Variants in PHACTR3 observed in about 807,000 individuals in gnomAD.
The protein encoded by PHACTR3 is protein phosphatase 1, regulatory subunit 123.
PHACTR3 carries 16 observed loss-of-function variants against 66.8 expected under a neutral mutation model. That is an observed-to-expected ratio of 0.24 (90% CI 0.16 to 0.36). The LOEUF is 0.36. Ranked by LOEUF, PHACTR3 falls within the 10% of genes least tolerant of loss-of-function variation. The pLI, the probability that PHACTR3 is intolerant of heterozygous loss-of-function variation, is 1.00. For missense variants in PHACTR3, 647 were observed against 719.9 expected (o/e 0.90, Z 1.16); for synonymous variants, 323 against 292.1 (o/e 1.11, Z -1.08).
At chr20:59,672,409 T>C (rs773812818) in intron 1 of PHACTR3, among the ~76,000 whole-genome samples, 19 of 152,166 alleles carry the variant, frequency 1.2e-4, no homozygotes, top group Non-Finnish European at 2.5e-4. Context: ...GGAAACGCCA[T>C]GGCCTGCATG....
chr20:59,819,198 A>G (rs1230897608), intron 8 of PHACTR3, among the ~76,000 whole-genome samples: 1 of 152,136 alleles, frequency 6.6e-6, no homozygotes, highest in Non-Finnish European at 1.5e-5. Context: ...TGAGTCCAGG[A>G]TCACTTGCTG....
intron 1 of PHACTR3, among the ~76,000 whole-genome samples, chr20:59,614,647 A>G (rs982417645): frequency 6.6e-6 from 1 of 152,098 alleles, no homozygotes; most frequent in South Asian, 2.1e-4. Flanking sequence ...TTGTAATACA[A>G]CCCTTTTAAA....
intron 7 of PHACTR3, among the ~76,000 whole-genome samples, chr20:59,786,552 G>A (rs866515177): frequency 1.2e-4 from 18 of 152,330 alleles, no homozygotes; most frequent in African/African-American, 4.1e-4. Context: ...GGTCAGGGTG[G>A]CCATTGTGCG....
intron 1 of PHACTR3, among the ~76,000 whole-genome samples, chr20:59,578,263 C>G (rs919168801): frequency 6.6e-6 from 1 of 152,242 alleles, no homozygotes; most frequent in Non-Finnish European, 1.5e-5. Context: ...GGAGTGGCCT[C>G]AGGCCTCCTG....
At chr20:59,727,026 C>G (rs535442046) in intron 1 of PHACTR3, among the ~76,000 whole-genome samples, 413 of 152,284 alleles carry the variant, frequency 2.7e-3, no homozygotes, top group African/African-American at 9.2e-3. Context: ...AAAACCATCA[C>G]TGCTGTCTAA....
chr20:59,711,858 T>A (rs1440465304), intron 1 of PHACTR3, among the ~76,000 whole-genome samples: 1 of 152,200 alleles, frequency 6.6e-6, no homozygotes, highest in Non-Finnish European at 1.5e-5. Context: ...TTTTTTAAGT[T>A]GTTTACTGCT....
intron 1 of PHACTR3, among the ~76,000 whole-genome samples, chr20:59,622,936 C>T (rs1002436951): frequency 4.1e-5 from 5 of 122,418 alleles, no homozygotes; most frequent in African/African-American, 1.6e-4. Flanking sequence ...AAATGTATTT[C>T]AAGGAGGGCT....
Position 59,679,841 on chromosome 20 carries a change from GC to G in PHACTR3, c.119-63261del, listed in dbSNP as rs1160448494. On this transcript the variant is annotated intron_variant, in intron 1 of 12. Coordinates refer to ENST00000371015, the MANE Select transcript of PHACTR3 (RefSeq NM_080672.5). ...CCACAAGAACAGTATGGGGGAGACT[GC>G]CCCCATGATTCAGTTACCTCCTGCT... is the stretch of plus-strand genomic sequence containing the variant. Among the ~76,000 whole-genome samples the G allele has an allele frequency of 2.0e-5, 3 of 152,096 alleles. No homozygotes were observed. In the East Asian group the frequency reaches 5.8e-4, roughly 29 times the overall value.
At chr20:59,780,635 A>G (rs2146920862) in intron 7 of PHACTR3, among the ~76,000 whole-genome samples, 1 of 152,196 alleles carries the variant, frequency 6.6e-6, no homozygotes, top group South Asian at 2.1e-4. Flanking sequence ...ATTTTGGGGG[A>G]CACAAACATC....
chr20:59,620,101 G>T (rs1240409914), intron 1 of PHACTR3, among the ~76,000 whole-genome samples: 6 of 152,102 alleles, frequency 3.9e-5, no homozygotes, highest in African/African-American at 1.2e-4. Context: ...GTTACTGGTG[G>T]CTTTACTAGT....
rs570295531 is a variant in PHACTR3 at position 59,661,165 on chromosome 20, C to T, written c.118+56033C>T. ...TAGGGGCATGATTAGCAGAAGGGCA[C>T]GCCCGGGTACCGTGACTTTGTTCTG... On this transcript the variant is annotated intron_variant, in intron 1 of 12. Coordinates refer to ENST00000371015, the MANE Select transcript of PHACTR3 (RefSeq NM_080672.5). Among the ~76,000 whole-genome samples, 10 of 152,288 alleles carry T rather than the reference C, an allele frequency of 6.6e-5. No homozygotes were observed. In the East Asian group the frequency reaches 1.9e-3, roughly 29 times the overall value.
chr20:59,670,083 T>A (rs945888764), intron 1 of PHACTR3, among the ~76,000 whole-genome samples: 1 of 152,214 alleles, frequency 6.6e-6, no homozygotes, highest in African/African-American at 2.4e-5. Context: ...CAGGTAAGAC[T>A]CTTGCCATCA....
Position 59,830,672 on chromosome 20 carries a change from GTAA to G in PHACTR3, c.1329-5831_1329-5829del, listed in dbSNP as rs2042340694. Among the ~76,000 whole-genome samples the G allele has an allele frequency of 6.6e-6, 1 of 152,186 alleles. No homozygotes were observed. The highest frequency in any genetic ancestry group is 6.5e-5 in the Admixed American group (1 of 15,280). On this transcript the variant is annotated intron_variant, in intron 8 of 12. Transcript: ENST00000371015. The surrounding 1 kb of genome is among the most constrained non-coding windows in gnomAD (Gnocchi z 5.8). ...GGTGAATAATATCAGTGCTATAGTA[GTAA>G]TGATGCCACCTATTTGTGTGTCAAC...
intron 1 of PHACTR3, among the ~76,000 whole-genome samples, chr20:59,595,716 T>A (rs1473042517): frequency 6.6e-6 from 1 of 152,188 alleles, no homozygotes; most frequent in Non-Finnish European, 1.5e-5. Flanking sequence ...CATTCATCCA[T>A]TTTTTTCTTT....
intron 1 of PHACTR3, among the ~76,000 whole-genome samples, chr20:59,627,892 A>G (rs2034516473): frequency 6.6e-6 from 1 of 152,030 alleles, no homozygotes; most frequent in Non-Finnish European, 1.5e-5. Context: ...CTATTTTTCA[A>G]TATATCTATA....
At chr20:59,826,839 T>C (rs1346247239) in intron 8 of PHACTR3, among the ~76,000 whole-genome samples, 3 of 152,200 alleles carry the variant, frequency 2.0e-5, no homozygotes, top group Non-Finnish European at 4.4e-5. Context: ...TTGGCAGGGC[T>C]GGGTGTCACT....
intron 7 of PHACTR3, among the ~76,000 whole-genome samples, chr20:59,803,197 A>C (rs1290197966): frequency 6.6e-6 from 1 of 152,220 alleles, no homozygotes; most frequent in Admixed American, 6.5e-5. Context: ...GCAGAGTTGA[A>C]GAATGGGGCA....
intron 1 of PHACTR3, among the ~76,000 whole-genome samples, chr20:59,668,989 C>T (rs2036099572): frequency 1.3e-5 from 2 of 151,974 alleles, no homozygotes; most frequent in African/African-American, 4.8e-5. Flanking sequence ...CTTAAATGAT[C>T]CTCCCACCTT....
At chr20:59,734,508 T>C (rs1196293642) in intron 1 of PHACTR3, among the ~76,000 whole-genome samples, 3 of 152,190 alleles carry the variant, frequency 2.0e-5, no homozygotes, top group African/African-American at 7.2e-5. Flanking sequence ...CCCTCCTGCA[T>C]TGGCTTCCCA....
Sources: gnomAD v4.1 joint callset for allele counts (sites outside exome capture counted in the v4.1 genomes callset) on GRCh38, gnomAD v4.1.1 for gene constraint, Gnocchi (gnomAD v3.1) non-coding constraint, MANE v1.5 for transcripts, NCBI Gene and HGNC (gene_info 2026-07-23, HGNC 2026-07-21) for gene names.